The following RASEF variants were observed in gnomAD, a reference collection of about 807,000 sequenced individuals.
The protein encoded by RASEF is ras and EF-hand domain-containing protein.
Under a neutral mutation model 90.1 loss-of-function variants are expected in RASEF, and 68 were observed. The observed-to-expected ratio is 0.75, with a 90% confidence interval of 0.62 to 0.92. The LOEUF (loss-of-function observed/expected upper bound fraction) is 0.92, where lower values mean the gene tolerates loss of function less well. RASEF is among the 40% of genes least tolerant of loss of function. The probability of loss-of-function intolerance (pLI) is 0.00; values close to 1 mark genes in which losing one functional copy is unlikely to be tolerated. For missense variants in RASEF, 949 were observed against 937.2 expected, an observed-to-expected ratio of 1.01 and a Z score of -0.16; for synonymous variants, 331 against 345.2, an observed-to-expected ratio of 0.96 and a Z score of 0.46.
intron 10 of RASEF, 91 bp downstream of exon 10, chr9:83,000,805 A>G: frequency 8.5e-7 from 1 of 1,181,408 alleles, no homozygotes; most frequent in Non-Finnish European, 1.2e-6. Context: ...ATGACCTTTA[A>G]AACAGATTTC....
intron 16 of RASEF, among the ~76,000 whole-genome samples, chr9:82,984,265 C>T (rs1828671427): frequency 6.6e-6 from 1 of 152,164 alleles, no homozygotes; most frequent in Non-Finnish European, 1.5e-5. Context: ...AATAAAAACA[C>T]TATTAATGAG....
chr9:83,009,770 A>T lies in RASEF; in HGVS notation c.844-14T>A. On this transcript the variant is annotated splice_polypyrimidine_tract_variant and intron_variant, in intron 5 of 16. Coordinates refer to ENST00000376447, the MANE Select transcript of RASEF (RefSeq NM_152573.4). ...TTTCTGGTTTTCCTGGATAAAATGA[A>T]AAGTGGGGGTCATTAGATTCAGATT... 6.6e-7 allele frequency: 1 copy of T among 1,510,036 alleles called. No individual in the cohort carries two copies. The highest frequency in any genetic ancestry group is 1.7e-5 in the Admixed American group (1 of 59,860). The allele number at this position is 1,510,036 out of a possible 1,614,324, so 93.5% of individuals were successfully genotyped here.
chr9:83,116,540 A>C, the RASEF span, among the ~76,000 whole-genome samples: 2 of 152,200 alleles, frequency 1.3e-5, no homozygotes, highest in Admixed American at 1.3e-4. Context: ...AGAAGGGTAT[A>C]ATCAAAGTAG....
the RASEF span, among the ~76,000 whole-genome samples, chr9:83,162,007 G>T: frequency 6.6e-6 from 1 of 151,906 alleles, no homozygotes; most frequent in Admixed American, 6.6e-5. Context: ...CCAGTCTCAG[G>T]TATGTCTTTA....
chr9:83,054,726 G>A (rs1830071401), intron 1 of RASEF: 1 of 138,802 alleles, frequency 7.2e-6, no homozygotes, highest in Non-Finnish European at 1.5e-5. Context: ...GGTTTTCGGT[G>A]TAGATGTCCT....
the RASEF span, among the ~76,000 whole-genome samples, chr9:83,078,697 C>T: frequency 1.3e-5 from 2 of 151,788 alleles, no homozygotes; most frequent in African/African-American, 4.8e-5. Flanking sequence ...AGAGAAATGA[C>T]ACTTCAGGCT....
chr9:83,140,033 ACTAAGTAATGT>A, the RASEF span, among the ~76,000 whole-genome samples: 1 of 152,178 alleles, frequency 6.6e-6, no homozygotes, highest in Non-Finnish European at 1.5e-5. Flanking sequence ...GATGGACTAT[ACTAAGTAATGT>A]CTTCAGTGAG....
chr9:83,092,682 G>A, the RASEF span, among the ~76,000 whole-genome samples: 5 of 152,162 alleles, frequency 3.3e-5, no homozygotes, highest in Non-Finnish European at 7.3e-5. Context: ...GGACCCGAGC[G>A]GGTTGCCACT....
intron 5 of RASEF, among the ~76,000 whole-genome samples, chr9:83,010,470 G>A (rs1168822582): frequency 6.6e-6 from 1 of 152,162 alleles, no homozygotes; most frequent in African/African-American, 2.4e-5. Flanking sequence ...TGGGGAAATG[G>A]AAGATTAGAG....
At chr9:83,199,891 C>G in the RASEF span, among the ~76,000 whole-genome samples, 1 of 152,130 alleles carries the variant, frequency 6.6e-6, no homozygotes, top group African/African-American at 2.4e-5. Flanking sequence ...GTGCATCAGT[C>G]AGGAACTGGT....
chr9:83,048,255 T>C, intron 1 of RASEF: 4 of 985,304 alleles, frequency 4.1e-6, no homozygotes, highest in Non-Finnish European at 4.8e-6. Context: ...AAAAGAAAGT[T>C]TTGGCACAAT....
chr9:83,160,325 G>A, the RASEF span, among the ~76,000 whole-genome samples: 1 of 152,282 alleles, frequency 6.6e-6, no homozygotes, highest in African/African-American at 2.4e-5. Context: ...AATCCAGGCT[G>A]AGATGGTCTC....
the RASEF span, among the ~76,000 whole-genome samples, chr9:83,215,263 C>G: frequency 8.1e-3 from 1,229 of 152,246 alleles, 15 homozygotes; most frequent in African/African-American, 0.028. Context: ...CCATGTGTGA[C>G]CCGATTCTTC....
the RASEF span, among the ~76,000 whole-genome samples, chr9:83,110,937 GA>G: frequency 0.014 from 2,080 of 151,268 alleles, 51 homozygotes; most frequent in African/African-American, 0.047. Flanking sequence ...GAATTTACAT[GA>G]AAAAAAAATC....
intron 9 of RASEF, 148 bp downstream of exon 9, chr9:83,004,350 A>G (rs956833851): frequency 1.8e-6 from 1 of 553,226 alleles, no homozygotes. Context: ...TTTTTACATG[A>G]TTCATGTTTC....
chr9:83,067,201 G>A (rs1300220155), upstream of RASEF, among the ~76,000 whole-genome samples: 1 of 152,112 alleles, frequency 6.6e-6, no homozygotes, highest in Non-Finnish European at 1.5e-5. Context: ...CATTGAAAAT[G>A]GAACTAGATA....
At chr9:83,004,651 T>C (rs918196786) in intron 8 of RASEF, 65 bp from the exon 9 acceptor site, 21 of 985,858 alleles carry the variant, frequency 2.1e-5, no homozygotes, top group Admixed American at 1.0e-4. Context: ...TATATACACA[T>C]AGGTACACAC....
At chr9:82,983,331 A>G (rs1828651954) in intron 16 of RASEF, among the ~76,000 whole-genome samples, 1 of 152,194 alleles carries the variant, frequency 6.6e-6, no homozygotes, top group South Asian at 2.1e-4. Flanking sequence ...TCATGGAGGT[A>G]ACAATGGATT....
At chr9:83,164,371 A>ATG in the RASEF span, among the ~76,000 whole-genome samples, 10 of 145,442 alleles carry the variant, frequency 6.9e-5, 1 homozygote, top group African/African-American at 1.8e-4. Flanking sequence ...ATATATATAT[A>ATG]TATGTGTGTG....
Sources: gnomAD v4.1 joint callset for allele counts (sites outside exome capture counted in the v4.1 genomes callset) on GRCh38, gnomAD v4.1.1 for gene constraint, MANE v1.5 for transcripts, NCBI Gene and HGNC (gene_info 2026-07-23, HGNC 2026-07-21) for gene names.